Variants in KCTD9 observed in about 807,000 individuals in gnomAD.
KCTD9 encodes the protein BTB/POZ domain-containing protein KCTD9.
Under a neutral mutation model 53.3 loss-of-function variants are expected in KCTD9, and 17 were observed. That is an observed-to-expected ratio of 0.32 (90% CI 0.22 to 0.48). The LOEUF is 0.48. Ranked by LOEUF, KCTD9 falls within the 20% of genes least tolerant of loss-of-function variation. KCTD9 has a pLI of 0.99. For missense variants in KCTD9, 179 were observed against 465.5 expected, an observed-to-expected ratio of 0.38 and a Z score of 5.66; for synonymous variants, 128 against 162.7, an observed-to-expected ratio of 0.79 and a Z score of 1.62.
chr8:25,450,467 T>C (rs1366651285), intron 1 of KCTD9: 1 of 981,568 alleles, frequency 1.0e-6, no homozygotes, highest in African/African-American at 1.7e-5. Context: ...GTCATATTCA[T>C]TTAAGTCTCT....
chr8:25,454,779 G>GT (rs2117448934), intron 1 of KCTD9, among the ~76,000 whole-genome samples: 1 of 152,286 alleles, frequency 6.6e-6, no homozygotes, highest in East Asian at 1.9e-4. Flanking sequence ...GTATATTTAT[G>GT]TATTTATGAA....
At chr8:25,451,930 C>T (rs951299228) in intron 1 of KCTD9, among the ~76,000 whole-genome samples, 4 of 152,080 alleles carry the variant, frequency 2.6e-5, no homozygotes, top group Non-Finnish European at 4.4e-5. Flanking sequence ...AAACAATTTA[C>T]CATATCACTA....
At chr8:25,451,446 T>C (rs1802318000) in intron 1 of KCTD9, 1 of 152,192 alleles carries the variant, frequency 6.6e-6, no homozygotes, top group Non-Finnish European at 1.5e-5. Context: ...CATAAAATGA[T>C]AGTGCTTACA....
chr8:25,436,330 T>C lies in KCTD9; in HGVS notation c.568A>G (p.Asn190Asp), dbSNP rs1400817990. 4 of 1,611,656 alleles carry C rather than the reference T, an allele frequency of 2.5e-6. No homozygotes were observed. The highest frequency in any genetic ancestry group is 2.2e-5 in the East Asian group (1 of 44,842). ...LIEHLEVAIK[N>D]SQPPEDHSPI... Reference sequence around the variant, plus strand: ...GAATGATCCTCCGGTGGTTGAGAATTCTTAAAAAAGACATTAAGAAATTAG... The same window carrying C: ...GAATGATCCTCCGGTGGTTGAGAATCCTTAAAAAAGACATTAAGAAATTAG... The change falls in exon 8 of 12, where the codon AAT (asparagine) becomes GAT (aspartate). Residue 190 changes from asparagine to aspartate, a missense_variant and splice_region_variant. Physicochemically the swap from Asn to Asp is conservative, Grantham distance 23 (BLOSUM62 1). Transcript: ENST00000221200.
At chr8:25,453,319 T>C (rs1792279256) in intron 1 of KCTD9, among the ~76,000 whole-genome samples, 1 of 149,964 alleles carries the variant, frequency 6.7e-6, no homozygotes, top group African/African-American at 2.5e-5. Flanking sequence ...ATCGCGCCAC[T>C]GCACTCTAGC....
At chr8:25,448,266 A>C (rs182561100) in intron 1 of KCTD9, among the ~76,000 whole-genome samples, 1 of 152,330 alleles carries the variant, frequency 6.6e-6, no homozygotes, top group East Asian at 1.9e-4. Context: ...CAGTATGCTA[A>C]ATGAAATAAG....
intron 1 of KCTD9, among the ~76,000 whole-genome samples, chr8:25,456,937 T>G (rs1319056954): frequency 2.0e-5 from 3 of 152,170 alleles, no homozygotes; most frequent in African/African-American, 7.2e-5. Flanking sequence ...ACAACATACG[T>G]TTTAGATAAC....
At chr8:25,431,567 G>C (rs1361049435) in intron 11 of KCTD9, among the ~76,000 whole-genome samples, 1 of 152,112 alleles carries the variant, frequency 6.6e-6, no homozygotes, top group Non-Finnish European at 1.5e-5. Context: ...CAATCAGAGA[G>C]AGGGAGGCTT....
At chr8:25,453,187 T>C (rs1239169677) in intron 1 of KCTD9, among the ~76,000 whole-genome samples, 3 of 151,688 alleles carry the variant, frequency 2.0e-5, no homozygotes, top group Non-Finnish European at 4.4e-5. Context: ...TGAAACCCCA[T>C]CTCTACTAAA....
At chr8:25,445,615 T>C (rs927093256) in intron 2 of KCTD9, among the ~76,000 whole-genome samples, 1 of 152,160 alleles carries the variant, frequency 6.6e-6, no homozygotes, top group African/African-American at 2.4e-5. Flanking sequence ...AACTACACAC[T>C]TGTTTTAAAG....
At chr8:25,440,347 C>T (rs539638731) in intron 4 of KCTD9, among the ~76,000 whole-genome samples, 2 of 152,070 alleles carry the variant, frequency 1.3e-5, no homozygotes, top group Non-Finnish European at 2.9e-5. Context: ...CGTGAGCCAC[C>T]GCGCCCAGCC....
At chr8:25,450,887 C>A (rs2117438114) in intron 1 of KCTD9, among the ~76,000 whole-genome samples, 1 of 152,266 alleles carries the variant, frequency 6.6e-6, no homozygotes, top group South Asian at 2.1e-4. Context: ...ATTTTAAGGT[C>A]TCCATAGCTC....
In KCTD9 at chr8:25,433,446, A is replaced by G; in HGVS notation, c.814-11T>C. 6.6e-7 allele frequency: 1 copy of G among 1,513,808 alleles called. No homozygotes were observed. The highest frequency in any genetic ancestry group is 9.1e-7 in the Non-Finnish European group (1 of 1,102,904). The allele number at this position is 1,513,808 out of a possible 1,614,324, so 93.8% of individuals were successfully genotyped here. On this transcript the variant is annotated splice_polypyrimidine_tract_variant and intron_variant, in intron 9 of 11. Transcript: ENST00000221200. ...CTGGAGATTCGCACACTGCAAAGAA[A>G]AGAGAAAAGTCCTGGTTGTAAGGTT...
Position 25,442,841 on chromosome 8 carries a change from A to C in KCTD9, c.214+1451T>G, listed in dbSNP as rs185434422. ...AATTATATTGGTACTGAAAGTATTG[A>C]GTTTGTTACTCTGACATTTTTAGAT... On this transcript the variant is annotated intron_variant, in intron 3 of 11. Transcript: ENST00000221200. Among the ~76,000 whole-genome samples the C allele has an allele frequency of 6.5e-3, 994 of 152,288 alleles. 11 individuals carry two copies. Among genetic ancestry groups the C allele is most frequent in the South Asian group, 0.011 (52 of 4,818 alleles).
chr8:25,454,452 T>C (rs531559829), intron 1 of KCTD9, among the ~76,000 whole-genome samples: 1 of 152,342 alleles, frequency 6.6e-6, no homozygotes, highest in South Asian at 2.1e-4. Context: ...TCAAGACGTA[T>C]AGAAACTCTG....
intron 1 of KCTD9, chr8:25,457,763 C>G (rs1366713424): frequency 1.3e-5 from 2 of 155,946 alleles, no homozygotes; most frequent in Non-Finnish European, 2.8e-5. Context: ...TCCACAGGCT[C>G]TGGTGCTCGC....
intron 11 of KCTD9, among the ~76,000 whole-genome samples, chr8:25,431,160 T>G (rs1801922667): frequency 6.6e-6 from 1 of 152,030 alleles, no homozygotes; most frequent in African/African-American, 2.4e-5. Flanking sequence ...CAAAACAATT[T>G]TACTATGATC....
intron 11 of KCTD9, among the ~76,000 whole-genome samples, 171 bp from the exon 12 acceptor site, chr8:25,430,144 CTTTA>C (rs1021814064): frequency 2.0e-5 from 3 of 152,126 alleles, no homozygotes; most frequent in Non-Finnish European, 4.4e-5. Flanking sequence ...GTTCTTCTAT[CTTTA>C]TTTGTTACCT....
At chr8:25,446,876 A>C (rs1342729161) in intron 1 of KCTD9, among the ~76,000 whole-genome samples, 1 of 136,546 alleles carries the variant, frequency 7.3e-6, no homozygotes, top group Non-Finnish European at 1.5e-5. Flanking sequence ...TCTAACATTT[A>C]AGAACAGAGC....
Sources: allele counts gnomAD v4.1 joint callset (sites outside exome capture counted in the v4.1 genomes callset), GRCh38; gene constraint gnomAD v4.1.1; transcripts MANE v1.5; gene names NCBI Gene and HGNC (gene_info 2026-07-23, HGNC 2026-07-21).